The following DNAJC6 variants were observed in gnomAD, a reference collection of about 807,000 sequenced individuals.
DNAJC6 encodes DnaJ heat shock protein family (Hsp40) member C6.
In DNAJC6, 34 loss-of-function variants were observed where a neutral mutation model predicts 110.0. That is an observed-to-expected ratio of 0.31 (90% confidence interval 0.24 to 0.41). The LOEUF (loss-of-function observed/expected upper bound fraction) is 0.41, where lower values mean the gene tolerates loss of function less well. Ranked by LOEUF, DNAJC6 falls within the 10% of genes least tolerant of loss-of-function variation. DNAJC6 has a pLI of 1.00. For synonymous variants in DNAJC6, 406 were observed against 437.2 expected (o/e 0.93, Z 0.89); for missense variants, 1,031 against 1,207.8 (o/e 0.85, Z 2.17).
intron 1 of DNAJC6, among the ~76,000 whole-genome samples, chr1:65,337,347 C>T (rs1645347595): frequency 6.6e-6 from 1 of 150,728 alleles, no homozygotes; most frequent in African/African-American, 2.4e-5. Flanking sequence ...AACTCTTCCT[C>T]ATCAGATATT....
intron 1 of DNAJC6, among the ~76,000 whole-genome samples, chr1:65,278,263 C>T (rs1295300935): frequency 1.3e-5 from 2 of 152,150 alleles, no homozygotes; most frequent in Non-Finnish European, 2.9e-5. Flanking sequence ...CACTTATGTG[C>T]TCAGGTCTCC....
intron 1 of DNAJC6, among the ~76,000 whole-genome samples, chr1:65,323,079 G>C (rs894795530): frequency 1.6e-4 from 25 of 152,330 alleles, no homozygotes; most frequent in African/African-American, 5.5e-4. Context: ...AGTGGGGAAA[G>C]CATTGGAGTT....
At chr1:65,394,841 G>A in intron 12 of DNAJC6, 57 bp from the exon 13 acceptor site, 1 of 1,514,012 alleles carries the variant, frequency 6.6e-7, no homozygotes, top group Non-Finnish European at 8.8e-7. Context: ...ACAATTCTGT[G>A]ACATTTAGTG....
intron 1 of DNAJC6, among the ~76,000 whole-genome samples, chr1:65,343,400 A>C (rs553018386): frequency 6.6e-6 from 1 of 152,196 alleles, no homozygotes; most frequent in African/African-American, 2.4e-5. Context: ...TGCCAACTGC[A>C]GTCTGAAAGT....
chr1:65,381,562 A>T (rs1645822928), intron 5 of DNAJC6, among the ~76,000 whole-genome samples: 1 of 151,180 alleles, frequency 6.6e-6, no homozygotes, highest in Non-Finnish European at 1.5e-5. Context: ...AAAAAAAAAA[A>T]TGATAATAAC....
chr1:65,289,968 C>A (rs1191781389), intron 1 of DNAJC6, among the ~76,000 whole-genome samples: 1 of 152,076 alleles, frequency 6.6e-6, no homozygotes, highest in African/African-American at 2.4e-5. Flanking sequence ...CACTGCCACA[C>A]CCAGCTAATT....
intron 1 of DNAJC6, among the ~76,000 whole-genome samples, chr1:65,358,929 G>C (rs1370568740): frequency 1.3e-5 from 2 of 152,176 alleles, no homozygotes; most frequent in Non-Finnish European, 2.9e-5. Context: ...CCACAGCCCA[G>C]GGTGCCATAG....
chr1:65,350,062 A>C (rs1200016284), intron 1 of DNAJC6, among the ~76,000 whole-genome samples: 2 of 152,178 alleles, frequency 1.3e-5, no homozygotes, highest in Non-Finnish European at 2.9e-5. Context: ...CGAGGTTGAG[A>C]CATTTGCATT....
chr1:65,333,860 A>G (rs17397283), intron 1 of DNAJC6, among the ~76,000 whole-genome samples: 8,026 of 152,304 alleles, frequency 0.053, 281 homozygotes, highest in Non-Finnish European at 0.082. Flanking sequence ...CTGGAAAATC[A>G]TTATTAAGGA....
chr1:65,330,436 C>T (rs754990581), intron 1 of DNAJC6, among the ~76,000 whole-genome samples: 1 of 152,088 alleles, frequency 6.6e-6, no homozygotes, highest in Non-Finnish European at 1.5e-5. Context: ...ATAACAGTGG[C>T]TTAAGCAGAT....
chr1:65,356,526 TG>T (rs1237232196), intron 1 of DNAJC6, among the ~76,000 whole-genome samples: 1 of 151,808 alleles, frequency 6.6e-6, no homozygotes, highest in Non-Finnish European at 1.5e-5. Context: ...ACTGCACCAC[TG>T]CACTGCAGCC....
chr1:65,358,178 C>CAAAAAAAAAAAAAAAAAAAAAAAAAA, intron 1 of DNAJC6, among the ~76,000 whole-genome samples: 1 of 80,036 alleles, frequency 1.2e-5, no homozygotes. Flanking sequence ...GACTCAGTCT[C>CAAAAAAAAAAAAAAAAAAAAAAAAAA]AAAAAAAAAA....
rs1570307665 is a variant in DNAJC6, at chr1:65,346,496, G to A, written c.194-18139G>A. 3.3e-5 allele frequency among the ~76,000 whole-genome samples: 5 copies of A among 152,116 alleles called. No individual in the cohort carries two copies. The South Asian group carries it at 1.0e-3, about 32-fold the overall frequency. On this transcript the variant is annotated intron_variant, in intron 1 of 18. Coordinates refer to ENST00000371069, the MANE Select transcript of DNAJC6 (RefSeq NM_001256864.2). Reference sequence around the variant, plus strand: ...GGTCTGAGGAGCACTCACCTTCCCAGTCTCATCTTCCATCCCTCTCTAACA... The same window carrying A: ...GGTCTGAGGAGCACTCACCTTCCCAATCTCATCTTCCATCCCTCTCTAACA...
At chr1:65,379,572 A>G (rs1645798456) in intron 5 of DNAJC6, 48 bp downstream of exon 5, 1 of 1,609,670 alleles carries the variant, frequency 6.2e-7, no homozygotes. Flanking sequence ...TTGGTCAAAT[A>G]TGGATGAGCC....
intron 9 of DNAJC6, 128 bp downstream of exon 9, chr1:65,388,543 C>T (rs2101605933): frequency 2.5e-6 from 2 of 799,610 alleles, no homozygotes; most frequent in Non-Finnish European, 4.2e-6. Flanking sequence ...CACTCAGTAG[C>T]ACAGAGAGGC....
intron 1 of DNAJC6, among the ~76,000 whole-genome samples, chr1:65,331,755 A>T (rs947856764): frequency 6.6e-6 from 1 of 152,214 alleles, no homozygotes; most frequent in Non-Finnish European, 1.5e-5. Flanking sequence ...GCTGAGTATG[A>T]GCTCAGGTCA....
Position 65,389,250 on chromosome 1 carries a change from AT to A in DNAJC6, c.1194-3del, listed in dbSNP as rs766196829. 1 of 1,612,206 alleles carries A rather than the reference AT, an allele frequency of 6.2e-7. No homozygotes were observed. Among genetic ancestry groups the A allele is most frequent in the Non-Finnish European group, 8.5e-7 (1 of 1,178,916 alleles). ...CTGAATTTATCTTTTTTAAATCCCT[AT>A]TTAGGCCTGAGTTAGATGCATGTGA... On this transcript the variant is annotated splice_region_variant and splice_polypyrimidine_tract_variant and intron_variant, in intron 9 of 18. Coordinates refer to ENST00000371069, the MANE Select transcript of DNAJC6 (RefSeq NM_001256864.2).
intron 1 of DNAJC6, among the ~76,000 whole-genome samples, chr1:65,269,990 C>T (rs533498863): frequency 7.2e-5 from 11 of 152,208 alleles, no homozygotes; most frequent in African/African-American, 2.6e-4. Flanking sequence ...CTTTTCTGGG[C>T]TTAGAACATA....
Position 65,389,332 on chromosome 1 carries a change from C to G in DNAJC6, c.1270C>G (p.Pro424Ala). 1 of 1,614,128 alleles carries G rather than the reference C, an allele frequency of 6.2e-7. No homozygotes were observed. Among genetic ancestry groups the G allele is most frequent in the Non-Finnish European group, 8.5e-7 (1 of 1,179,996 alleles). The change falls in exon 10 of 19, where the codon CCC (proline) becomes GCC (alanine). Residue 424 changes from proline to alanine, a missense_variant. Pro to Ala is a conservative substitution (Grantham distance 27). Coordinates refer to ENST00000371069, the MANE Select transcript of DNAJC6 (RefSeq NM_001256864.2). The part of the protein sequence containing the change: ...FQVTLDVELQ[P>A]HDKVIDLTPP... The stretch of plus-strand genomic sequence containing the variant: ...GGTGACACTGGATGTAGAACTACAG[C>G]CCCATGACAAAGTAATAGACTTAAC...
Sources: allele counts gnomAD v4.1 joint callset (sites outside exome capture counted in the v4.1 genomes callset), GRCh38; gene constraint gnomAD v4.1.1; transcripts MANE v1.5; gene names NCBI Gene and HGNC (gene_info 2026-07-23, HGNC 2026-07-21).